TUSC3: variants seen among roughly 807,000 people sequenced by gnomAD.
The protein encoded by TUSC3 is tumor suppressor candidate 3.
In TUSC3, 45 loss-of-function variants were observed where a neutral mutation model predicts 44.8. The observed-to-expected ratio is 1.00, with a 90% CI of 0.79 to 1.29. The LOEUF (loss-of-function observed/expected upper bound fraction) is 1.29, where lower values mean the gene tolerates loss of function less well. Among genes scored for constraint, TUSC3 ranks in the 50% most tolerant of loss-of-function variants. The pLI, the probability that TUSC3 is intolerant of heterozygous loss-of-function variation, is 0.00. For missense variants in TUSC3, 519 were observed against 437.9 expected, an observed-to-expected ratio of 1.19 and a Z score of -1.65; for synonymous variants, 212 against 152.9, an observed-to-expected ratio of 1.39 and a Z score of -2.85.
At chr8:15,605,157 G>A (rs968858422) in intron 1 of TUSC3, among the ~76,000 whole-genome samples, 3 of 151,770 alleles carry the variant, frequency 2.0e-5, no homozygotes, top group South Asian at 2.1e-4. Flanking sequence ...AGTGAGCATC[G>A]CTTCCAAAAG....
intron 2 of TUSC3, among the ~76,000 whole-genome samples, chr8:15,629,580 T>G (rs1471011423): frequency 6.7e-6 from 1 of 149,670 alleles, no homozygotes; most frequent in Non-Finnish European, 1.5e-5. Context: ...TCACGTGAAT[T>G]ACTCCTCCTG....
At chr8:15,702,364 G>C (rs138087518) in intron 6 of TUSC3, among the ~76,000 whole-genome samples, 1 of 152,108 alleles carries the variant, frequency 6.6e-6, no homozygotes, top group Non-Finnish European at 1.5e-5. Context: ...GCCAATTTTA[G>C]CTTTAGAATG....
chr8:15,465,514 A>G (rs1800402907), intron 1 of TUSC3, among the ~76,000 whole-genome samples: 1 of 152,168 alleles, frequency 6.6e-6, no homozygotes, highest in African/African-American at 2.4e-5. Context: ...AAAAAATGCA[A>G]ATTGATTTGA....
chr8:15,448,117 A>ATATATATATATATATATT (rs1276079521), intron 1 of TUSC3, among the ~76,000 whole-genome samples: 30 of 93,362 alleles, frequency 3.2e-4, no homozygotes, highest in Non-Finnish European at 4.8e-4. Context: ...ACATATATAT[A>ATATATATATATATATATT]TATTTATTTA....
At chr8:15,791,716 A>G in the TUSC3 span, among the ~76,000 whole-genome samples, 2 of 152,188 alleles carry the variant, frequency 1.3e-5, no homozygotes, top group East Asian at 3.9e-4. Context: ...AAGAAACTTC[A>G]TTTAAGCTCT....
chr8:15,789,793 A>G, the TUSC3 span, among the ~76,000 whole-genome samples: 2 of 152,304 alleles, frequency 1.3e-5, no homozygotes, highest in South Asian at 2.1e-4. Flanking sequence ...AATGACCTTA[A>G]AAGTAACAAG....
chr8:15,576,454 T>TC (rs1168484026), intron 1 of TUSC3, among the ~76,000 whole-genome samples: 3 of 71,332 alleles, frequency 4.2e-5, no homozygotes, highest in Non-Finnish European at 5.3e-5. Flanking sequence ...ATGCTATCCC[T>TC]CCCCCCCTCC....
the TUSC3 span, among the ~76,000 whole-genome samples, chr8:15,851,885 G>A: frequency 6.6e-6 from 1 of 152,244 alleles, no homozygotes; most frequent in East Asian, 1.9e-4. Flanking sequence ...AATCATTGGG[G>A]AGGATTCCCC....
At chr8:15,642,438 A>G (rs886219173) in intron 2 of TUSC3, among the ~76,000 whole-genome samples, 6 of 152,344 alleles carry the variant, frequency 3.9e-5, no homozygotes, top group Admixed American at 1.3e-4. Flanking sequence ...GGCATACACT[A>G]AATCTCCATG....
At position 15,568,644 on chromosome 8, in the gene TUSC3, C is replaced by T. The variant is rs114513255; in HGVS notation, c.138+28076C>T. ...TTCCTGTGGAGTCTTGCTTTATCGC[C>T]TAGGCTGCAGTGCAGTGGTATAATC... On this transcript the variant is annotated intron_variant, in intron 1 of 10. Transcript: ENST00000503731. Among the ~76,000 whole-genome samples, 879 of 149,798 alleles carry T rather than the reference C, an allele frequency of 5.9e-3. 11 individuals carry two copies. Among genetic ancestry groups the T allele is most frequent in the African/African-American group, 0.02 (817 of 40,790 alleles).
chr8:15,598,893 T>C (rs1166493865), intron 1 of TUSC3, among the ~76,000 whole-genome samples: 1 of 151,858 alleles, frequency 6.6e-6, no homozygotes, highest in Non-Finnish European at 1.5e-5. Flanking sequence ...AATAAAGGTG[T>C]TATCAACACC....
At chr8:15,539,606 C>T (rs555429844), upstream of TUSC3, among the ~76,000 whole-genome samples, 607 of 152,146 alleles carry the variant, frequency 4.0e-3, 11 homozygotes, top group Non-Finnish European at 9.3e-4. Flanking sequence ...CCTGCCTCAG[C>T]CTCCCAAAGT....
chr8:15,422,852 A>C (rs1799754599), intron 1 of TUSC3, among the ~76,000 whole-genome samples: 1 of 152,132 alleles, frequency 6.6e-6, no homozygotes, highest in South Asian at 2.1e-4. Flanking sequence ...CATGTTGTAC[A>C]GGCTGGTCAC....
At chr8:15,809,199 G>C in the TUSC3 span, among the ~76,000 whole-genome samples, 1 of 152,158 alleles carries the variant, frequency 6.6e-6, no homozygotes, top group Non-Finnish European at 1.5e-5. Context: ...ACTGATGACT[G>C]CAGATATCTG....
intron 2 of TUSC3, among the ~76,000 whole-genome samples, chr8:15,499,364 A>G (rs749988555): frequency 1.2e-4 from 19 of 152,220 alleles, no homozygotes; most frequent in Admixed American, 2.6e-4. Flanking sequence ...TGTTAACATC[A>G]TCAAATCAAA....
At chr8:15,845,969 C>A in the TUSC3 span, among the ~76,000 whole-genome samples, 3 of 152,040 alleles carry the variant, frequency 2.0e-5, no homozygotes, top group Non-Finnish European at 4.4e-5. Context: ...GGGAAAGGCA[C>A]TTCTTACATC....
intron 2 of TUSC3, among the ~76,000 whole-genome samples, chr8:15,495,520 G>C (rs1053479818): frequency 1.4e-4 from 21 of 152,196 alleles, no homozygotes; most frequent in Admixed American, 9.2e-4. Context: ...AAGGCCCCAA[G>C]AGGATGCTTT....
chr8:15,643,138 C>G (rs1029117163), intron 2 of TUSC3, among the ~76,000 whole-genome samples: 5 of 152,076 alleles, frequency 3.3e-5, no homozygotes, highest in Admixed American at 6.5e-5. Flanking sequence ...TTCTTCCTGC[C>G]GCCTTGTGAA....
intron 2 of TUSC3, among the ~76,000 whole-genome samples, chr8:15,632,095 A>G (rs1049707010): frequency 6.6e-6 from 1 of 152,178 alleles, no homozygotes; most frequent in Non-Finnish European, 1.5e-5. Context: ...TATAATTCAT[A>G]TTTAAATTTT....
Sources: allele counts gnomAD v4.1 joint callset (sites outside exome capture counted in the v4.1 genomes callset), GRCh38; gene constraint gnomAD v4.1.1; transcripts MANE v1.5; gene names NCBI Gene and HGNC (gene_info 2026-07-23, HGNC 2026-07-21).